Variants in MKLN1 observed in about 807,000 individuals in gnomAD.
MKLN1 encodes muskelin 1, also known as muskelin.
Under a neutral mutation model 99.0 loss-of-function variants are expected in MKLN1, and 18 were observed. The observed-to-expected ratio is 0.18, with a 90% CI of 0.13 to 0.27. MKLN1 has a LOEUF of 0.27. Among genes scored for constraint, MKLN1 ranks in the 10% least tolerant of loss-of-function variants. The pLI, the probability that MKLN1 is intolerant of heterozygous loss-of-function variation, is 1.00. For missense variants in MKLN1, 621 were observed against 875.9 expected (o/e 0.71, Z 3.67); for synonymous variants, 288 against 293.2 (o/e 0.98, Z 0.18).
intron 2 of MKLN1, among the ~76,000 whole-genome samples, chr7:131,189,934 TG>T (rs1796509991): frequency 6.6e-6 from 1 of 152,124 alleles, no homozygotes; most frequent in African/African-American, 2.4e-5. Context: ...GAAGAACAAA[TG>T]ATGCTTCCAA....
At chr7:131,260,098 T>C (rs1797711419) in intron 3 of MKLN1, among the ~76,000 whole-genome samples, 1 of 151,382 alleles carries the variant, frequency 6.6e-6, no homozygotes, top group African/African-American at 2.4e-5. Flanking sequence ...CAGGCTGGAG[T>C]ACAGTGGCAC....
intron 4 of MKLN1, among the ~76,000 whole-genome samples, chr7:131,391,043 C>T (rs1794184102): frequency 6.6e-6 from 1 of 151,992 alleles, no homozygotes. Context: ...TGCTTCCCAA[C>T]CCTTTCCCAA....
intron 2 of MKLN1, among the ~76,000 whole-genome samples, chr7:131,187,323 C>CTTT (rs67338403): frequency 2.0e-5 from 3 of 147,054 alleles, no homozygotes; most frequent in East Asian, 2.0e-4. Context: ...CTTCATTTGT[C>CTTT]TTTTTTTTTT....
intron 10 of MKLN1, 76 bp from the exon 11 acceptor site, chr7:131,443,405 G>A: frequency 9.4e-7 from 1 of 1,062,138 alleles, no homozygotes; most frequent in East Asian, 2.4e-5. Flanking sequence ...ATGTAAAACT[G>A]TACATGTTGG....
chr7:131,319,268 T>C (rs552364817), intron 3 of MKLN1, among the ~76,000 whole-genome samples: 6 of 152,286 alleles, frequency 3.9e-5, no homozygotes, highest in African/African-American at 9.6e-5. Flanking sequence ...GGCTTCATCA[T>C]TGGGGTGCAA....
chr7:131,369,113 A>G (rs960016102), intron 1 of MKLN1, among the ~76,000 whole-genome samples: 22 of 152,148 alleles, frequency 1.4e-4, no homozygotes, highest in African/African-American at 4.8e-4. Context: ...TAAGTGTTTT[A>G]TAATGATAGT....
chr7:131,120,304 T>C (rs1017686493), intron 1 of MKLN1, among the ~76,000 whole-genome samples: 1 of 151,116 alleles, frequency 6.6e-6, no homozygotes, highest in African/African-American at 2.4e-5. Context: ...GGCGGGTGGA[T>C]CACGAGGTCA....
At chr7:131,465,915 A>G (rs2116621219) in intron 14 of MKLN1, among the ~76,000 whole-genome samples, 1 of 152,300 alleles carries the variant, frequency 6.6e-6, no homozygotes, top group African/African-American at 2.4e-5. Context: ...CAGAATTTTT[A>G]AGATATTTGT....
chr7:131,163,328 C>A (rs1353127374), intron 2 of MKLN1, among the ~76,000 whole-genome samples: 2 of 152,198 alleles, frequency 1.3e-5, no homozygotes, highest in South Asian at 2.1e-4. Flanking sequence ...TTCTTAAATA[C>A]TAACTCCTGT....
intron 1 of MKLN1, among the ~76,000 whole-genome samples, chr7:131,356,268 T>C (rs1261330110): frequency 6.6e-6 from 1 of 152,076 alleles, no homozygotes; most frequent in Non-Finnish European, 1.5e-5. Context: ...TCAGGTGTTT[T>C]ATATCTATTA....
chr7:131,333,458 G>A (rs1050789391), intron 1 of MKLN1, among the ~76,000 whole-genome samples: 4 of 151,996 alleles, frequency 2.6e-5, no homozygotes, highest in Non-Finnish European at 4.4e-5. Flanking sequence ...AGACATTTAG[G>A]CTTTGTGGTT....
chr7:131,203,311 G>A (rs1796758225), intron 3 of MKLN1, among the ~76,000 whole-genome samples: 1 of 152,124 alleles, frequency 6.6e-6, no homozygotes, highest in African/African-American at 2.4e-5. Context: ...TTTTTGTCAT[G>A]TTAGAAGTAG....
Position 131,386,600 on chromosome 7 carries a change from T to G in MKLN1, c.169-520T>G, listed in dbSNP as rs118088345. Among the ~76,000 whole-genome samples, 604 of 152,312 alleles carry G rather than the reference T, an allele frequency of 4.0e-3. 2 individuals are homozygous for G. The highest frequency in any genetic ancestry group is 6.6e-3 in the Non-Finnish European group (447 of 68,024). On this transcript the variant is annotated intron_variant, in intron 2 of 17. Transcript: ENST00000352689. ...AATTGATCCCGTTTTATCCAATGTG[T>G]AATAGGAAAATGAGCTACATTAGAC...
chr7:131,203,021 T>C (rs1381478737), intron 3 of MKLN1: 1 of 152,218 alleles, frequency 6.6e-6, no homozygotes, highest in African/African-American at 2.4e-5. Flanking sequence ...AATTTACGAT[T>C]TGAATAATCA....
At chr7:131,267,649 G>A (rs186129430) in intron 3 of MKLN1, among the ~76,000 whole-genome samples, 2 of 152,268 alleles carry the variant, frequency 1.3e-5, no homozygotes, top group East Asian at 3.9e-4. Context: ...CAGGTCAGAT[G>A]AATTTGGAAT....
rs913197197 is a variant in MKLN1 at position 131,327,931 on chromosome 7, C to G, written c.32C>G (p.Pro11Arg). The change falls in exon 1 of 18, where the codon CCC becomes CGC. Residue 11 changes from proline to arginine, a missense_variant. Pro to Arg is a moderately radical substitution (Grantham distance 103). Transcript: ENST00000352689. MAAGGAVAAA[P>R]ECRLLPYALH... ...GCTGGCGGAGCTGTCGCTGCGGCGC[C>G]CGAGTGCCGGCTTCTCCCCTACGCG... 2 of 1,613,372 alleles carry G rather than the reference C, an allele frequency of 1.2e-6. No homozygotes were observed. Among genetic ancestry groups the G allele is most frequent in the South Asian group, 2.2e-5 (2 of 91,088 alleles).
intron 2 of MKLN1, among the ~76,000 whole-genome samples, chr7:131,154,597 G>A (rs1002942417): frequency 6.6e-6 from 1 of 151,782 alleles, no homozygotes; most frequent in Admixed American, 6.6e-5. Flanking sequence ...TAGACACAAT[G>A]ACTAAGCCAG....
At chr7:131,410,482 T>G (rs979435023) in intron 6 of MKLN1, among the ~76,000 whole-genome samples, 5 of 152,192 alleles carry the variant, frequency 3.3e-5, no homozygotes, top group African/African-American at 1.2e-4. Context: ...TATGTAGTTT[T>G]GTACTCAAAA....
intron 3 of MKLN1, among the ~76,000 whole-genome samples, chr7:131,212,216 C>T (rs1292661988): frequency 2.0e-5 from 3 of 152,184 alleles, no homozygotes; most frequent in African/African-American, 4.8e-5. Context: ...CAGCTCTATC[C>T]AGGACACTTC....
Sources: gnomAD v4.1 joint callset for allele counts (sites outside exome capture counted in the v4.1 genomes callset) on GRCh38, gnomAD v4.1.1 for gene constraint, MANE v1.5 for transcripts, NCBI Gene and HGNC (gene_info 2026-07-23, HGNC 2026-07-21) for gene names.